The following DNAJC25 variants were observed in gnomAD, a reference collection of about 807,000 sequenced individuals.
DNAJC25 encodes DnaJ heat shock protein family (Hsp40) member C25.
In DNAJC25, 26 loss-of-function variants were observed where a neutral mutation model predicts 42.1. The ratio of observed to expected loss-of-function variants is 0.62; its 90% CI spans 0.45 to 0.86. The LOEUF (loss-of-function observed/expected upper bound fraction) is 0.86. Ranked by LOEUF, DNAJC25 falls within the 40% of genes least tolerant of loss-of-function variation. The probability of loss-of-function intolerance (pLI) is 0.00; values close to 1 mark genes in which losing one functional copy is unlikely to be tolerated. For synonymous variants in DNAJC25, 189 were observed against 179.9 expected, an observed-to-expected ratio of 1.05 and a Z score of -0.40; for missense variants, 404 against 459.4, an observed-to-expected ratio of 0.88 and a Z score of 1.10.
intron 1 of DNAJC25, among the ~76,000 whole-genome samples, chr9:111,642,007 G>A (rs1204033089): frequency 4.9e-5 from 6 of 121,332 alleles, no homozygotes; most frequent in Admixed American, 2.4e-4. Flanking sequence ...CCCCCTGCCC[G>A]GCCAGCCGCC....
rs1212150179 is a variant in DNAJC25, at chr9:111,649,696, C to G, written c.733C>G (p.Leu245Val). 6.2e-7 allele frequency: 1 copy of G among 1,613,966 alleles called. No individual in the cohort carries two copies. The highest frequency in any genetic ancestry group is 1.3e-5 in the African/African-American group (1 of 74,930). The change falls in exon 3 of 4, where the codon CTC becomes GTC. Residue 245 changes from leucine (L) to valine (V), a missense_variant. Leu to Val is a conservative substitution (Grantham distance 32, BLOSUM62 1). Coordinates refer to ENST00000313525, the MANE Select transcript of DNAJC25 (RefSeq NM_001015882.3). The part of the protein sequence containing the change: ...GYQKPQICDL[L>V]LFQIILAPFH... ...TCAGAAACCCCAAATCTGTGATCTT[C>G]TCCTGTTTCAAATTATCTTAGCTCC...
At chr9:111,648,657 T>G (rs1015543029) in intron 2 of DNAJC25, among the ~76,000 whole-genome samples, 1 of 152,184 alleles carries the variant, frequency 6.6e-6, no homozygotes, top group African/African-American at 2.4e-5. Context: ...GATTTACCCT[T>G]TCAAAGGGGA....
At chr9:111,642,805 C>CTTGT (rs768234567) in intron 1 of DNAJC25, 1 of 469,878 alleles carries the variant, frequency 2.1e-6, no homozygotes, top group South Asian at 1.6e-5. Flanking sequence ...ACTTTCTTTG[C>CTTGT]TTGTGGGTTT....
At chr9:111,641,731 G>A (rs1309175230) in intron 1 of DNAJC25, among the ~76,000 whole-genome samples, 157 of 121,972 alleles carry the variant, frequency 1.3e-3, no homozygotes, top group Middle Eastern at 6.0e-3. Flanking sequence ...GGTGAGGGGC[G>A]CCTCTGCCCG....
At chr9:111,636,066 T>C (rs1830358083) in intron 1 of DNAJC25, among the ~76,000 whole-genome samples, 1 of 152,204 alleles carries the variant, frequency 6.6e-6, no homozygotes, top group South Asian at 2.1e-4. Flanking sequence ...CAGATACTTA[T>C]TGTTCAGTTA....
intron 1 of DNAJC25, among the ~76,000 whole-genome samples, chr9:111,640,840 G>GGGCCAGCCCCCCGCCC (rs1830444348): frequency 7.6e-6 from 1 of 131,060 alleles, no homozygotes; most frequent in Non-Finnish European, 1.6e-5. Flanking sequence ...GAGGTGGGGG[G>GGGCCAGCCCCCCGCCC]GGCCAGCCCC....
At chr9:111,636,784 GT>G (rs1830368846) in intron 1 of DNAJC25, among the ~76,000 whole-genome samples, 1 of 152,082 alleles carries the variant, frequency 6.6e-6, no homozygotes, top group African/African-American at 2.4e-5. Context: ...CCTTTTCTGG[GT>G]TTAGTGGGAA....
chr9:111,645,480 C>T (rs769138126), intron 1 of DNAJC25, among the ~76,000 whole-genome samples: 7 of 152,168 alleles, frequency 4.6e-5, no homozygotes, highest in Non-Finnish European at 7.3e-5. Context: ...GTCTCGAACT[C>T]CTGACCTCAA....
chr9:111,631,754 C>A lies in DNAJC25; in HGVS notation c.336+11C>A. On this transcript the variant is annotated intron_variant, in intron 1 of 3. Transcript: ENST00000313525. ...TACGAGACACTCAAGGTGAGGCCTG[C>A]GGGCGTGGAGGGGCTTCGAAGACTG... 6.6e-7 allele frequency: 1 copy of A among 1,505,942 alleles called. No homozygotes were observed. Among genetic ancestry groups the A allele is most frequent in the Non-Finnish European group, 8.8e-7 (1 of 1,133,988 alleles). 93.3% of individuals were successfully genotyped at this position (1,505,942 alleles called of 1,614,324 possible).
At position 111,631,573 on chromosome 9, in the gene DNAJC25, G is replaced by A. The variant is rs771691965; in HGVS notation, c.166G>A (p.Val56Met). ...GTRDCYEVLG[V>M]SRSAGKAEIA... ...GCGGGACTGCTACGAGGTGCTGGGC[G>A]TGAGCCGCTCGGCGGGCAAGGCGGA... is the stretch of plus-strand genomic sequence containing the variant. The change falls in exon 1 of 4, where the codon GTG (valine) becomes ATG (methionine). Residue 56 changes from valine (V) to methionine (M), a missense_variant. Val to Met is a conservative substitution (Grantham distance 21). Coordinates refer to ENST00000313525, the MANE Select transcript of DNAJC25 (RefSeq NM_001015882.3). 4 of 1,451,402 alleles carry A rather than the reference G, an allele frequency of 2.8e-6. No individual in the cohort carries two copies. The highest frequency in any genetic ancestry group is 3.6e-6 in the Non-Finnish European group (4 of 1,111,084). The allele number at this position is 1,451,402 out of a possible 1,614,324, so 89.9% of individuals were successfully genotyped here. A position where few individuals can be genotyped will look rare whatever the true frequency, so the allele number is the denominator to read the frequency against.
chr9:111,643,722 G>T lies in DNAJC25; in HGVS notation c.337-3385G>T, dbSNP rs1243317887. ...AAATTTTAACTTTGGCCATGGGAAA[G>T]CACTGGAGATTAAAAAAAAAAAAAA... is the stretch of plus-strand genomic sequence containing the variant. On this transcript the variant is annotated intron_variant, in intron 1 of 3. Coordinates refer to ENST00000313525, the MANE Select transcript of DNAJC25 (RefSeq NM_001015882.3). Among the ~76,000 whole-genome samples, 7 of 149,026 alleles carry T rather than the reference G, an allele frequency of 4.7e-5. No individual in the cohort carries two copies. The East Asian group carries it at 1.4e-3, about 29-fold the overall frequency.
intron 1 of DNAJC25, among the ~76,000 whole-genome samples, chr9:111,646,809 C>A (rs1438444453): frequency 6.6e-6 from 1 of 151,950 alleles, no homozygotes; most frequent in Non-Finnish European, 1.5e-5. Flanking sequence ...TTTATTAGCA[C>A]CAAGCATCAG....
At chr9:111,631,960 C>T (rs1830289869) in intron 1 of DNAJC25, among the ~76,000 whole-genome samples, 2 of 152,266 alleles carry the variant, frequency 1.3e-5, no homozygotes, top group Non-Finnish European at 2.9e-5. Flanking sequence ...TCCTTGCCCT[C>T]TTCCTTTTTG....
At chr9:111,646,728 G>A (rs1288081573) in intron 1 of DNAJC25, among the ~76,000 whole-genome samples, 1 of 152,080 alleles carries the variant, frequency 6.6e-6, no homozygotes, top group Non-Finnish European at 1.5e-5. Context: ...AGGCTGGGAC[G>A]TGATTGTGAA....
At position 111,649,506 on chromosome 9, in the gene DNAJC25, G is replaced by A. The variant is rs1471412324; in HGVS notation, c.543G>A (p.Val181=). The A allele has an allele frequency of 3.7e-6, 6 of 1,612,368 alleles. No homozygotes were observed. In the East Asian group the frequency reaches 1.1e-4, roughly 30 times the overall value. The change falls in exon 3 of 4, where the codon GTG becomes GTA. Residue 181 remains valine (V), a synonymous_variant. Transcript: ENST00000313525. ...AGGCAATCAGCTACCTAGCCACAGT[G>A]CCCAAGTACCGTATCCAAGCTACAG... is the stretch of plus-strand genomic sequence containing the variant. ...YNKAISYLAT[V]PKYRIQATEI...
chr9:111,646,105 TATACTC>T (rs772808445), intron 1 of DNAJC25, among the ~76,000 whole-genome samples: 1 of 152,236 alleles, frequency 6.6e-6, no homozygotes, highest in Admixed American at 6.5e-5. Flanking sequence ...TGGTTTTTAT[TATACTC>T]ATATATAGAG....
chr9:111,647,342 G>A (rs941950562), intron 2 of DNAJC25, 83 bp downstream of exon 2: 9 of 1,473,432 alleles, frequency 6.1e-6, no homozygotes, highest in Non-Finnish European at 7.3e-6. Flanking sequence ...ACCTAACTGC[G>A]AGTATCTTCT....
intron 1 of DNAJC25, among the ~76,000 whole-genome samples, chr9:111,644,686 T>C (rs1830539692): frequency 6.6e-6 from 1 of 152,188 alleles, no homozygotes; most frequent in Non-Finnish European, 1.5e-5. Flanking sequence ...GTAATCTAGT[T>C]GTAGCAAGAA....
At position 111,649,663 on chromosome 9, in the gene DNAJC25, G is replaced by C. The variant is rs894828413; in HGVS notation, c.700G>C (p.Gly234Arg). 6.2e-7 allele frequency: 1 copy of C among 1,613,844 alleles called. No individual in the cohort carries two copies. Among genetic ancestry groups the C allele is most frequent in the Non-Finnish European group, 8.5e-7 (1 of 1,179,940 alleles). Residue 234 changes from glycine (G) to arginine (R), a missense_variant, in exon 3 of 4, where the codon GGG becomes CGG. By Grantham distance (125) the Gly-to-Arg change is moderately radical. Coordinates refer to ENST00000313525, the MANE Select transcript of DNAJC25 (RefSeq NM_001015882.3). Reference sequence around the variant, plus strand: ...TATAAAAAGTAAAATAGATATAAAGGGGGGCTATCAGAAACCCCAAATCTG... The same window carrying C: ...TATAAAAAGTAAAATAGATATAAAGCGGGGCTATCAGAAACCCCAAATCTG... The part of the protein sequence containing the change: ...NIIKSKIDIK[G>R]GYQKPQICDL...
Sources: gnomAD v4.1 joint callset for allele counts (sites outside exome capture counted in the v4.1 genomes callset) on GRCh38, gnomAD v4.1.1 for gene constraint, MANE v1.5 for transcripts, NCBI Gene and HGNC (gene_info 2026-07-23, HGNC 2026-07-21) for gene names.